The following LSP1 variants were observed in gnomAD, a reference collection of about 807,000 sequenced individuals.
The protein encoded by LSP1 is lymphocyte-specific protein 1.
Under a neutral mutation model 49.3 loss-of-function variants are expected in LSP1, and 32 were observed. The ratio of observed to expected loss-of-function variants is 0.65; its 90% CI spans 0.49 to 0.87. The LOEUF is 0.87. Ranked by LOEUF, LSP1 falls within the 40% of genes least tolerant of loss-of-function variation. LSP1 has a pLI of 0.00. For synonymous variants in LSP1, 179 were observed against 178.8 expected, an observed-to-expected ratio of 1.00 and a Z score of -0.01; for missense variants, 428 against 442.6, an observed-to-expected ratio of 0.97 and a Z score of 0.30.
At chr11:1,861,813 G>A (rs1311484850) in intron 1 of LSP1, among the ~76,000 whole-genome samples, 2 of 150,822 alleles carry the variant, frequency 1.3e-5, no homozygotes, top group African/African-American at 4.9e-5. Context: ...ATGAATAGAT[G>A]GATGGGTGAA....
rs1382223715 is a variant in LSP1, at chr11:1,868,638, G to A, written c.54-11449G>A. The A allele has an allele frequency of 4.1e-6, 4 of 985,252 alleles. No homozygotes were observed. In the Admixed American group the frequency reaches 2.5e-4, roughly 61 times the overall value. 61.0% of individuals were successfully genotyped at this position (985,252 alleles called of 1,614,324 possible). On this transcript the variant is annotated intron_variant, in intron 1 of 10. Transcript: ENST00000311604. The stretch of plus-strand genomic sequence containing the variant: ...GGCTGCCTTGGGCCCATCCAGGCCT[G>A]AGATCCTGAGGGTGGGGTAGCCCCC...
chr11:1,859,127 G>C (rs1276827636), intron 1 of LSP1, among the ~76,000 whole-genome samples: 1 of 152,192 alleles, frequency 6.6e-6, no homozygotes, highest in Non-Finnish European at 1.5e-5. Flanking sequence ...GTAGGTCACA[G>C]CATGAAGGGT....
chr11:1,887,408 A>T (rs1423295497), intron 9 of LSP1, 66 bp from the exon 10 acceptor site: 3 of 1,580,228 alleles, frequency 1.9e-6, no homozygotes, highest in Non-Finnish European at 2.6e-6. Flanking sequence ...GGCTTCCCAG[A>T]GGCGGAGGCA....
chr11:1,880,010 G>T, intron 1 of LSP1, 77 bp from the exon 2 acceptor site: 4 of 1,574,434 alleles, frequency 2.5e-6, no homozygotes, highest in Non-Finnish European at 3.5e-6. Flanking sequence ...AGCAAGGCCT[G>T]TGTAGATGGG....
At chr11:1,860,688 T>C (rs573123058) in intron 1 of LSP1, among the ~76,000 whole-genome samples, 44 of 152,340 alleles carry the variant, frequency 2.9e-4, no homozygotes, top group African/African-American at 8.9e-4. Context: ...TGAACTGTGT[T>C]GTACCTGTGC....
chr11:1,857,583 A>T (rs1847521237), intron 1 of LSP1, among the ~76,000 whole-genome samples: 1 of 151,974 alleles, frequency 6.6e-6, no homozygotes, highest in Non-Finnish European at 1.5e-5. Context: ...GGGCGGCGGG[A>T]GGGGGATGGG....
At chr11:1,864,832 T>A (rs973626335) in intron 1 of LSP1, among the ~76,000 whole-genome samples, 1 of 151,174 alleles carries the variant, frequency 6.6e-6, no homozygotes, top group Non-Finnish European at 1.5e-5. Flanking sequence ...CAGACCCCTG[T>A]GCCAGGTGCC....
chr11:1,874,734 G>A (rs1302322419), intron 1 of LSP1, among the ~76,000 whole-genome samples: 4 of 152,176 alleles, frequency 2.6e-5, no homozygotes, highest in Non-Finnish European at 5.9e-5. Flanking sequence ...AACCGGCAGG[G>A]GAGGCTGCAG....
chr11:1,864,056 A>AGGAGGGGAGAGGAAG (rs772055753), intron 1 of LSP1: 1 of 190,290 alleles, frequency 5.3e-6, no homozygotes, highest in Non-Finnish European at 6.6e-6. Flanking sequence ...GGGAGAGGGG[A>AGGAGGGGAGAGGAAG]GGAGGGGAGA....
At chr11:1,866,502 AG>A in intron 1 of LSP1, 1 of 1,500,524 alleles carries the variant, frequency 6.7e-7, no homozygotes, top group Non-Finnish European at 8.9e-7. Context: ...CCCACCTGGC[AG>A]GGTCTCCGGC....
chr11:1,870,465 G>C (rs145078787), intron 1 of LSP1: 1 of 1,196,828 alleles, frequency 8.4e-7, no homozygotes, highest in Non-Finnish European at 1.1e-6. Context: ...AGCCATGAAA[G>C]CTTCGGGGAG....
intron 1 of LSP1, among the ~76,000 whole-genome samples, chr11:1,854,134 G>A (rs1565067336): frequency 6.6e-6 from 1 of 152,130 alleles, no homozygotes; most frequent in Non-Finnish European, 1.5e-5. Context: ...GAGGGGCGAC[G>A]TGCTAATGGT....
chr11:1,880,202 G>A lies in LSP1; in HGVS notation c.169G>A (p.Glu57Lys), dbSNP rs577178834. Residue 57 changes from glutamate (E) to lysine (K), a missense_variant, in exon 2 of 11, where the codon GAG becomes AAG. Physicochemically the swap from Glu to Lys is moderately conservative, Grantham distance 56. Transcript: ENST00000311604. ...QDEEGGGHVP[E>K]RPKQEMLLSL... Reference sequence around the variant, plus strand: ...CGAGGAGGGAGGCGGCCATGTCCCCGAGCGGCCGAAGCAGGAGATGCTGTG... The same window carrying A: ...CGAGGAGGGAGGCGGCCATGTCCCCAAGCGGCCGAAGCAGGAGATGCTGTG... 2.4e-5 allele frequency: 39 copies of A among 1,599,580 alleles called. No homozygotes were observed. In the East Asian group the frequency reaches 3.4e-4, roughly 14 times the overall value.
intron 1 of LSP1, among the ~76,000 whole-genome samples, chr11:1,856,889 G>A (rs539251996): frequency 9.2e-5 from 14 of 152,350 alleles, no homozygotes; most frequent in African/African-American, 3.4e-4. Context: ...TCAGGAAAGA[G>A]GGCAGAGCTG....
chr11:1,890,586 A>C, intron 10 of LSP1: 1 of 705,804 alleles, frequency 1.4e-6, no homozygotes, highest in Non-Finnish European at 2.6e-6. Context: ...TATGAGCATG[A>C]CTGTGTCCTA....
chr11:1,887,063 G>C (rs1848784447), intron 8 of LSP1, among the ~76,000 whole-genome samples, 174 bp from the exon 9 acceptor site: 2 of 152,204 alleles, frequency 1.3e-5, no homozygotes, highest in African/African-American at 4.8e-5. Flanking sequence ...GGAGGTAGAT[G>C]GCACCTTTAT....
intron 1 of LSP1, chr11:1,868,909 G>A (rs1319503364): frequency 5.1e-6 from 5 of 985,846 alleles, no homozygotes; most frequent in South Asian, 4.7e-5. Context: ...TGCTGGAACC[G>A]TAAAGGGGAG....
intron 1 of LSP1, chr11:1,871,245 G>A (rs954584850): frequency 1.7e-5 from 17 of 986,650 alleles, no homozygotes; most frequent in Non-Finnish European, 1.8e-5. Flanking sequence ...AGGCAGAGCC[G>A]CAGCCACGCC....
intron 1 of LSP1, chr11:1,871,332 G>C: frequency 1.0e-6 from 1 of 986,196 alleles, no homozygotes; most frequent in Non-Finnish European, 1.2e-6. Context: ...CGCCGCAGAT[G>C]GGGGCAGAGA....
Sources: gnomAD v4.1 joint callset for allele counts (sites outside exome capture counted in the v4.1 genomes callset) on GRCh38, gnomAD v4.1.1 for gene constraint, MANE v1.5 for transcripts, NCBI Gene and HGNC (gene_info 2026-07-23, HGNC 2026-07-21) for gene names.